PTCH2: variants seen among roughly 807,000 people sequenced by gnomAD.
PTCH2 encodes the protein patched 2.
In PTCH2, 96 loss-of-function variants were observed where a neutral mutation model predicts 117.9. The ratio of observed to expected loss-of-function variants is 0.81; its 90% CI spans 0.69 to 0.96. The LOEUF (loss-of-function observed/expected upper bound fraction) is 0.96. PTCH2 is among the 50% of genes least tolerant of loss of function. The pLI is 0.00. For missense variants in PTCH2, 1,379 were observed against 1,562.5 expected (o/e 0.88, Z 1.98); for synonymous variants, 615 against 660.9 (o/e 0.93, Z 1.06).
rs371861016 is a variant in PTCH2, at chr1:44,826,563, G to C, written c.2901C>G (p.Ala967=). 6.2e-7 allele frequency: 1 copy of C among 1,613,534 alleles called. No homozygotes were observed. The highest frequency in any genetic ancestry group is 1.1e-5 in the South Asian group (1 of 91,072). ...AAGTGCACACCAGCAGGATGCAGAC[G>C]GCCAGCAGGAAGCAGCGCCGCAGGC... ...YLGLRRCFLL[A]VCILLVCTFL... Residue 967 remains alanine, a synonymous_variant, in exon 18 of 22, where the codon GCC becomes GCG. Coordinates refer to ENST00000372192, the MANE Select transcript of PTCH2 (RefSeq NM_003738.5). The surrounding 1 kb of genome is among the most constrained non-coding windows in gnomAD (Gnocchi z 5.1).
At position 44,823,453 on chromosome 1, in the gene PTCH2, C is replaced by G. The variant is rs550702525; in HGVS notation, c.3115-68G>C. 24 of 1,607,914 alleles carry G rather than the reference C, an allele frequency of 1.5e-5. No homozygotes were observed. In the African/African-American group the frequency reaches 2.8e-4, roughly 19 times the overall value. ...ATGGCCAGCTCAGCCATGTCCCGAGCTGTATCTGTCTTCAGAGCTCAACGA... is the reference window on the plus strand; with the variant it reads ...ATGGCCAGCTCAGCCATGTCCCGAGGTGTATCTGTCTTCAGAGCTCAACGA... On this transcript the variant is annotated intron_variant, in intron 19 of 21. Transcript: ENST00000372192. The surrounding 1 kb of genome is among the most constrained non-coding windows in gnomAD (Gnocchi z 5.1).
rs1653241253 is a variant in PTCH2 at position 44,827,993 on chromosome 1, G to A, written c.1908C>T (p.Phe636=). Residue 636 remains phenylalanine, a synonymous_variant, in exon 14 of 22, where the codon TTC becomes TTT. Coordinates refer to ENST00000372192, the MANE Select transcript of PTCH2 (RefSeq NM_003738.5). ...PPSDPLGSEL[F]SPGGSTRDLL... ...GGTCCCGTGTGGACCCTCCAGGGCT[G>A]AAGAGCTCAGAGCCCAGTGGGTCAG... is the stretch of plus-strand genomic sequence containing the variant. The A allele has an allele frequency of 1.2e-6, 2 of 1,614,104 alleles. No homozygotes were observed. Among genetic ancestry groups the A allele is most frequent in the South Asian group, 2.2e-5 (2 of 91,092 alleles).
chr1:44,840,646 G>A (rs1653906820), intron 2 of PTCH2, among the ~76,000 whole-genome samples: 1 of 151,650 alleles, frequency 6.6e-6, no homozygotes. Flanking sequence ...GGGAGGCAGA[G>A]GTTGCAGTGA....
chr1:44,819,932 TTCTC>T (rs1573635359), downstream of PTCH2: 1 of 153,282 alleles, frequency 6.5e-6, no homozygotes, highest in African/African-American at 2.4e-5. Context: ...ACTCACAACT[TTCTC>T]TCCACGGAAA....
At chr1:44,842,139 G>T in intron 1 of PTCH2, 100 bp from the exon 2 acceptor site, 1 of 1,189,698 alleles carries the variant, frequency 8.4e-7, no homozygotes, top group Non-Finnish European at 1.2e-6. Context: ...CTCGCTTCTT[G>T]ATTTCTGGAT....
intron 2 of PTCH2, among the ~76,000 whole-genome samples, chr1:44,837,337 C>T (rs1189367857): frequency 6.6e-6 from 1 of 152,152 alleles, no homozygotes; most frequent in African/African-American, 2.4e-5. Context: ...TCACTGCAAC[C>T]TCCGCCTCCT....
chr1:44,830,705 C>T (rs1653405580), intron 6 of PTCH2, 143 bp downstream of exon 6: 1 of 758,598 alleles, frequency 1.3e-6, no homozygotes, highest in Non-Finnish European at 2.0e-6. Context: ...CATTGGGGGC[C>T]TGGCACTGTG....
chr1:44,836,935 G>A (rs1347209735), intron 2 of PTCH2, among the ~76,000 whole-genome samples: 2 of 152,216 alleles, frequency 1.3e-5, no homozygotes, highest in Admixed American at 6.5e-5. Context: ...CTGGGTGAAA[G>A]AGTGAGACCC....
intron 6 of PTCH2, 127 bp from the exon 7 acceptor site, chr1:44,830,157 C>G: frequency 5.3e-6 from 7 of 1,325,000 alleles, no homozygotes; most frequent in Non-Finnish European, 7.2e-6. Context: ...GGTAACTATT[C>G]TGAGCCTCTT....
Position 44,822,128 on chromosome 1 carries a change from C to T in PTCH2, c.*287G>A. On this transcript the variant is annotated 3_prime_UTR_variant, in exon 22 of 22. Transcript: ENST00000372192. The stretch of plus-strand genomic sequence containing the variant: ...TGGAGGGTCCCTCAGGCTTGGTCAG[C>T]TGGGCAGGCAGTGGTGTGGGGTGGG... 1.4e-6 allele frequency: 2 copies of T among 1,400,386 alleles called. No homozygotes were observed. Among genetic ancestry groups the T allele is most frequent in the Admixed American group, 2.9e-5 (1 of 34,088 alleles). The allele number at this position is 1,400,386 out of a possible 1,614,324, so 86.7% of individuals were successfully genotyped here.
At chr1:44,820,792 C>A, downstream of PTCH2, 1 of 707,726 alleles carries the variant, frequency 1.4e-6, no homozygotes, top group Non-Finnish European at 2.6e-6. Flanking sequence ...GGGCTGACCC[C>A]CTTTGCACTA....
chr1:44,823,010 C>G lies in PTCH2; in HGVS notation c.3357+59G>C. 1 of 1,556,954 alleles carries G rather than the reference C, an allele frequency of 6.4e-7. No homozygotes were observed. The highest frequency in any genetic ancestry group is 8.8e-7 in the Non-Finnish European group (1 of 1,142,104). On this transcript the variant is annotated intron_variant, in intron 21 of 21. Transcript: ENST00000372192. The surrounding 1 kb of genome is among the most constrained non-coding windows in gnomAD (Gnocchi z 5.1). ...CACAGGGCTCTGTCCCTTCCCTTGC[C>G]TCTCCCTACCCCGTCCCTTGGGCTG...
chr1:44,842,754 A>T, intron 1 of PTCH2, 107 bp downstream of exon 1: 1 of 1,159,568 alleles, frequency 8.6e-7, no homozygotes. Flanking sequence ...ACTTGCCTTC[A>T]GACATCTAAT....
In PTCH2 at chr1:44,831,663, T is replaced by G; in HGVS notation, c.617+43A>C. ...AGACCCCTCCTTTCTGCTGGGAGAG[T>G]CCCCAGCGGGAGATGAAGCAGGGCC... On this transcript the variant is annotated intron_variant, in intron 5 of 21. Transcript: ENST00000372192. This position sits in a 1 kb window ranked among gnomAD's most constrained non-coding sequence, Gnocchi z 4.3. The G allele has an allele frequency of 6.7e-7, 1 of 1,492,170 alleles. No individual in the cohort carries two copies. 92.4% of individuals were successfully genotyped at this position (1,492,170 alleles called of 1,614,324 possible).
downstream of PTCH2, chr1:44,820,700 C>T (rs1376240980): frequency 1.1e-5 from 8 of 718,058 alleles, no homozygotes; most frequent in East Asian, 5.4e-5. Context: ...TAGATCTCCT[C>T]GGGCCTGGAA....
Position 44,822,979 on chromosome 1 carries a change from G to A in PTCH2, c.3357+90C>T, listed in dbSNP as rs1169078975. ...GCACCTGTTGGGGAGGTACCTGTCT[G>A]TGGGCCACAGGGCTCTGTCCCTTCC... is the stretch of plus-strand genomic sequence containing the variant. On this transcript the variant is annotated intron_variant, in intron 21 of 21. Coordinates refer to ENST00000372192, the MANE Select transcript of PTCH2 (RefSeq NM_003738.5). 3.5e-6 allele frequency: 5 copies of A among 1,421,462 alleles called. No individual in the cohort carries two copies. The African/African-American group carries it at 5.6e-5, about 16-fold the overall frequency. The allele number at this position is 1,421,462 out of a possible 1,614,324, so 88.1% of individuals were successfully genotyped here.
chr1:44,837,942 C>T (rs1183757758), intron 2 of PTCH2, among the ~76,000 whole-genome samples: 1 of 151,874 alleles, frequency 6.6e-6, no homozygotes, highest in Non-Finnish European at 1.5e-5. Flanking sequence ...ATTAGCTGGG[C>T]ATGGTGGCGG....
Position 44,827,824 on chromosome 1 carries a change from C to A in PTCH2, c.2058+19G>T, listed in dbSNP as rs1653231944. 1 of 1,613,800 alleles carries A rather than the reference C, an allele frequency of 6.2e-7. No individual in the cohort carries two copies. The highest frequency in any genetic ancestry group is 2.2e-5 in the East Asian group (1 of 44,888). ...GGCCCAGAGATGCTAAGTCTCTGCCCTGCTCTGCCCAGTCTTACCTTAGCA... is the reference window on the plus strand; with the variant it reads ...GGCCCAGAGATGCTAAGTCTCTGCCATGCTCTGCCCAGTCTTACCTTAGCA... On this transcript the variant is annotated intron_variant, in intron 14 of 21. Coordinates refer to ENST00000372192, the MANE Select transcript of PTCH2 (RefSeq NM_003738.5).
intron 2 of PTCH2, among the ~76,000 whole-genome samples, chr1:44,834,606 G>A (rs1319815598): frequency 6.6e-6 from 1 of 152,218 alleles, no homozygotes. Context: ...AACCCAGAGA[G>A]ATCTGATAAG....
Sources: allele counts gnomAD v4.1 joint callset (sites outside exome capture counted in the v4.1 genomes callset), GRCh38; gene constraint gnomAD v4.1.1; non-coding constraint Gnocchi (gnomAD v3.1); transcripts MANE v1.5; gene names NCBI Gene and HGNC (gene_info 2026-07-23, HGNC 2026-07-21).